The following CA5B variants were observed in gnomAD, a reference collection of about 807,000 sequenced individuals.
CA5B encodes the protein carbonic anhydrase 5B, mitochondrial.
In CA5B, 15 loss-of-function variants were observed where a neutral mutation model predicts 23.1. The observed-to-expected ratio is 0.65, with a 90% CI of 0.43 to 1.00. The LOEUF is 1.00. Among genes scored for constraint, CA5B ranks in the 50% least tolerant of loss-of-function variants. The pLI is 0.00. For missense variants in CA5B, 236 were observed against 252.2 expected, an observed-to-expected ratio of 0.94 and a Z score of 0.43; for synonymous variants, 84 against 98.5, an observed-to-expected ratio of 0.85 and a Z score of 0.87.
chrX:15,774,587 A>C (rs751195293), intron 5 of CA5B, among the ~76,000 whole-genome samples, 190 bp downstream of exon 5: 1 of 111,907 alleles, frequency 8.9e-6, no homozygotes, highest in Admixed American at 9.5e-5. Context: ...TAATCCCAGC[A>C]CTTTGGGAGG....
intron 2 of CA5B, among the ~76,000 whole-genome samples, chrX:15,752,798 C>G (rs780699797): frequency 2.6e-3 from 289 of 110,803 alleles, no homozygotes; most frequent in Non-Finnish European, 3.4e-3. Flanking sequence ...AAGAGATTAA[C>G]TAAGATCTGA....
intron 7 of CA5B, among the ~76,000 whole-genome samples, chrX:15,782,099 C>G (rs753408505): frequency 8.9e-6 from 1 of 112,304 alleles, no homozygotes; most frequent in South Asian, 3.7e-4. Context: ...TGCATCAGGG[C>G]TTTCCTTTCT....
At chrX:15,748,021 G>T (rs920316405) in intron 1 of CA5B, among the ~76,000 whole-genome samples, 1 of 111,541 alleles carries the variant, frequency 9.0e-6, no homozygotes, top group Non-Finnish European at 1.9e-5. Context: ...TGAGGAGGCG[G>T]TGTCTGATTT....
In CA5B at chrX:15,785,297, A is replaced by C. The variant is rs1932093410; in HGVS notation, c.*2633A>C. The stretch of plus-strand genomic sequence containing the variant: ...TGTCCATCAACAGATGAATAGATAA[A>C]GGAAATGTGGTATATACAGTCAATG... On this transcript the variant is annotated 3_prime_UTR_variant, in exon 8 of 8. Transcript: ENST00000318636. 8.9e-6 allele frequency: 1 copy of C among 112,610 alleles called. No homozygotes were observed. Among genetic ancestry groups the C allele is most frequent in the Non-Finnish European group, 1.9e-5 (1 of 53,369 alleles). 9.3% of individuals were successfully genotyped at this position (112,610 alleles called of 1,213,427 possible).
In CA5B at chrX:15,776,435, G is replaced by A. The variant is rs1931932156; in HGVS notation, c.619-279G>A. Among the ~76,000 whole-genome samples the A allele has an allele frequency of 2.7e-5, 3 of 111,300 alleles. No homozygotes were observed. In the Admixed American group the frequency reaches 2.9e-4, roughly 11 times the overall value. On this transcript the variant is annotated intron_variant, in intron 6 of 7. Transcript: ENST00000318636. ...TAAAACCTCTCAACAAAACTCAGAG[G>A]AGACTACCTGCTGGAACCTCACTAG...
rs899018900 is a variant in CA5B, at chrX:15,785,899, G to A, written c.*3235G>A. ...ATTTTTTTTATTTTTTTGAGACAGA[G>A]TCGCGCTGTCACCCGGGCTGGAGTG... On this transcript the variant is annotated 3_prime_UTR_variant, in exon 8 of 8. Transcript: ENST00000318636. 3 of 109,729 alleles carry A rather than the reference G, an allele frequency of 2.7e-5. No homozygotes were observed. Among genetic ancestry groups the A allele is most frequent in the Non-Finnish European group, 5.7e-5 (3 of 52,658 alleles). 9.0% of individuals were successfully genotyped at this position (109,729 alleles called of 1,213,427 possible). A position where few individuals can be genotyped will look rare whatever the true frequency, so the allele number is the denominator to read the frequency against.
intron 1 of CA5B, among the ~76,000 whole-genome samples, chrX:15,747,861 G>A (rs1009316779): frequency 9.0e-6 from 1 of 111,429 alleles, no homozygotes; most frequent in Non-Finnish European, 1.9e-5. Flanking sequence ...CACACACGTG[G>A]AGTTCAGGAG....
intron 3 of CA5B, 190 bp downstream of exon 3, chrX:15,764,965 G>A (rs930391231): frequency 5.4e-6 from 3 of 554,511 alleles, no homozygotes; most frequent in Non-Finnish European, 8.4e-6. Flanking sequence ...TCTTCAACTA[G>A]TATAGGTAGT....
Position 15,784,208 on chromosome X carries a change from G to T in CA5B, c.*1544G>T, listed in dbSNP as rs1447243632. 1 of 112,290 alleles carries T rather than the reference G, an allele frequency of 8.9e-6. No homozygotes were observed. The highest frequency in any genetic ancestry group is 1.9e-5 in the Non-Finnish European group (1 of 53,232). 9.3% of individuals were successfully genotyped at this position (112,290 alleles called of 1,213,427 possible). A position where few individuals can be genotyped will look rare whatever the true frequency, so the allele number is the denominator to read the frequency against. ...CGGCCTTCCAGAAATATTTTTCAAA[G>T]GACTAGTAATCTAATAGCCTATAGT... On this transcript the variant is annotated 3_prime_UTR_variant, in exon 8 of 8. Transcript: ENST00000318636.
intron 3 of CA5B, among the ~76,000 whole-genome samples, chrX:15,770,917 G>A (rs753001848): frequency 9.1e-6 from 1 of 109,499 alleles, no homozygotes; most frequent in East Asian, 2.9e-4. Flanking sequence ...ACAGGCACCC[G>A]CCACCATGCC....
rs908879157 is a variant in CA5B at position 15,784,119 on chromosome X, C to G, written c.*1455C>G. 3 of 111,601 alleles carry G rather than the reference C, an allele frequency of 2.7e-5. No homozygotes were observed. Among genetic ancestry groups the G allele is most frequent in the African/African-American group, 9.7e-5 (3 of 30,853 alleles). The allele number at this position is 111,601 out of a possible 1,213,427, so 9.2% of individuals were successfully genotyped here. Reference sequence around the variant, plus strand: ...GCCAGGCTGGTCTTGAACTCCTGACCTCAGGTGATCCACCCGCCTTGGCCT... The same window carrying G: ...GCCAGGCTGGTCTTGAACTCCTGACGTCAGGTGATCCACCCGCCTTGGCCT... On this transcript the variant is annotated 3_prime_UTR_variant, in exon 8 of 8. Coordinates refer to ENST00000318636, the MANE Select transcript of CA5B (RefSeq NM_007220.4).
chrX:15,772,542 C>T lies in CA5B; in HGVS notation c.387C>T (p.Phe129=). The change falls in exon 4 of 8, where the codon TTC becomes TTT. Residue 129 remains phenylalanine (F), a synonymous_variant. Transcript: ENST00000318636. ...AACACAACTACCGATTGAAGCAGTT[C>T]CATTTTCACTGGGGGGCCATCGATG... ...PLEHNYRLKQ[F]HFHWGAIDAW... is the part of the protein sequence containing the mutation. 1 of 1,208,821 alleles carries T rather than the reference C, an allele frequency of 8.3e-7. No individual in the cohort carries two copies. Among genetic ancestry groups the T allele is most frequent in the South Asian group, 1.8e-5 (1 of 56,678 alleles).
chrX:15,758,713 G>A (rs924372570), intron 2 of CA5B, among the ~76,000 whole-genome samples: 2 of 110,869 alleles, frequency 1.8e-5, no homozygotes, highest in Non-Finnish European at 3.8e-5. Flanking sequence ...TCCCCATGTT[G>A]GCCAGGCTGG....
chrX:15,774,524 G>GTA, intron 5 of CA5B, 127 bp downstream of exon 5: 1 of 842,126 alleles, frequency 1.2e-6, no homozygotes, highest in Non-Finnish European at 1.6e-6. Context: ...AGTGCTTGAA[G>GTA]TACAGGATTG....
chrX:15,781,085 A>G (rs758793811), intron 7 of CA5B, among the ~76,000 whole-genome samples: 21 of 108,687 alleles, frequency 1.9e-4, no homozygotes, highest in Admixed American at 2.9e-4. Context: ...GCTCACTGCA[A>G]CCTCCACCTC....
At chrX:15,756,797 G>A (rs1931495759) in intron 2 of CA5B, among the ~76,000 whole-genome samples, 2 of 111,885 alleles carry the variant, frequency 1.8e-5, no homozygotes, top group Admixed American at 1.9e-4. Flanking sequence ...GCTCATGCCT[G>A]TAATCCCAGC....
chrX:15,740,018 C>T (rs1931086338), intron 1 of CA5B, among the ~76,000 whole-genome samples: 1 of 111,614 alleles, frequency 9.0e-6, no homozygotes, highest in East Asian at 2.8e-4. Context: ...ATGGCTTAAT[C>T]AGGCAGAGTT....
intron 7 of CA5B, among the ~76,000 whole-genome samples, chrX:15,780,750 C>T (rs1189402101): frequency 8.9e-6 from 1 of 112,168 alleles, no homozygotes; most frequent in East Asian, 2.8e-4. Context: ...TTAGTGAGGG[C>T]TTTTGTGTAA....
Position 15,764,439 on chromosome X carries a change from C to T in CA5B, c.143-139C>T, listed in dbSNP as rs1171062863. 4.0e-5 allele frequency: 38 copies of T among 953,420 alleles called. 1 individual carries two copies. The highest frequency in any genetic ancestry group is 2.7e-4 in the Admixed American group (8 of 29,785). The allele number at this position is 953,420 out of a possible 1,213,427, so 78.6% of individuals were successfully genotyped here. A position where few individuals can be genotyped will look rare whatever the true frequency, so the allele number is the denominator to read the frequency against. On this transcript the variant is annotated intron_variant, in intron 2 of 7. Coordinates refer to ENST00000318636, the MANE Select transcript of CA5B (RefSeq NM_007220.4). ...ATATTTTGTAGAGACAGGGTTTCGCCGTGTTTCCTAGGCTGGTCTCAAACT... is the reference window on the plus strand; with the variant it reads ...ATATTTTGTAGAGACAGGGTTTCGCTGTGTTTCCTAGGCTGGTCTCAAACT...
Sources: gnomAD v4.1 joint callset for allele counts (sites outside exome capture counted in the v4.1 genomes callset) on GRCh38, gnomAD v4.1.1 for gene constraint, MANE v1.5 for transcripts, NCBI Gene and HGNC (gene_info 2026-07-23, HGNC 2026-07-21) for gene names.